CCDC77: variants seen among roughly 807,000 people sequenced by gnomAD.
The protein encoded by CCDC77 is coiled-coil domain containing 77.
Under a neutral mutation model 66.8 loss-of-function variants are expected in CCDC77, and 56 were observed. The ratio of observed to expected loss-of-function variants is 0.84; its 90% confidence interval spans 0.68 to 1.05. The LOEUF (loss-of-function observed/expected upper bound fraction) is 1.05. Among genes scored for constraint, CCDC77 ranks in the 50% least tolerant of loss-of-function variants. The pLI is 0.00. For synonymous variants in CCDC77, 196 were observed against 195.2 expected (o/e 1.00, Z -0.03); for missense variants, 570 against 576.8 (o/e 0.99, Z 0.12).
intron 10 of CCDC77, among the ~76,000 whole-genome samples, chr12:440,250 A>C (rs1228490906): frequency 6.6e-6 from 1 of 152,242 alleles, no homozygotes; most frequent in Non-Finnish European, 1.5e-5. Context: ...ACTGCTCAAT[A>C]GGGCATGTAT....
chr12:442,493 C>T lies in CCDC77; in HGVS notation c.*573C>T, dbSNP rs540652376. The T allele has an allele frequency of 1.3e-5, 2 of 152,318 alleles. No homozygotes were observed. The highest frequency in any genetic ancestry group is 3.9e-4 in the East Asian group (2 of 5,182). 9.4% of individuals were successfully genotyped at this position (152,318 alleles called of 1,614,324 possible). On this transcript the variant is annotated 3_prime_UTR_variant, in exon 13 of 13. Transcript: ENST00000239830. ...CTAGAGACTCAAACGAAATGTCCAT[C>T]TGGAAAGATTCGGGAGACACTTTGC...
intron 9 of CCDC77, among the ~76,000 whole-genome samples, chr12:436,272 C>T (rs776470236): frequency 3.3e-5 from 5 of 151,844 alleles, no homozygotes; most frequent in Non-Finnish European, 5.9e-5. Context: ...CGCCCACCAC[C>T]ACGCCCGGCT....
chr12:438,347 C>G lies in CCDC77; in HGVS notation c.834C>G (p.Thr278=). 6.2e-7 allele frequency: 1 copy of G among 1,613,120 alleles called. No individual in the cohort carries two copies. The highest frequency in any genetic ancestry group is 2.2e-5 in the East Asian group (1 of 44,858). ...IKELTKNLHH[T]QELLYESTKD... ...CTTTCTTTCCTAGTCTTCACCACACCCAAGAACTGCTCTATGAGAGCACCA... is the reference window on the plus strand; with the variant it reads ...CTTTCTTTCCTAGTCTTCACCACACGCAAGAACTGCTCTATGAGAGCACCA... Residue 278 remains threonine (T), a synonymous_variant, in exon 10 of 13, where the codon ACC becomes ACG. Coordinates refer to ENST00000239830, the MANE Select transcript of CCDC77 (RefSeq NM_032358.4).
intron 5 of CCDC77, among the ~76,000 whole-genome samples, chr12:424,604 C>T (rs1425516170): frequency 6.6e-6 from 1 of 152,108 alleles, no homozygotes; most frequent in Non-Finnish European, 1.5e-5. Context: ...GCTAGGATTA[C>T]AGGAATGAAC....
chr12:409,459 G>A (rs761371661), intron 3 of CCDC77, 38 bp downstream of exon 3: 10 of 1,577,790 alleles, frequency 6.3e-6, no homozygotes, highest in Admixed American at 5.0e-5. Flanking sequence ...TTAAGAAATC[G>A]AGACTTGTAT....
chr12:400,669 A>G (rs1944883375), upstream of CCDC77, among the ~76,000 whole-genome samples: 1 of 152,228 alleles, frequency 6.6e-6, no homozygotes, highest in Non-Finnish European at 1.5e-5. Context: ...TTGCCATCTT[A>G]TATGGGCATG....
intron 5 of CCDC77, among the ~76,000 whole-genome samples, chr12:423,487 TTG>T (rs1565572237): frequency 3.2e-5 from 1 of 31,624 alleles, no homozygotes; most frequent in Non-Finnish European, 6.4e-5. Flanking sequence ...GTGTTTTTTT[TTG>T]TTTTGTTTTT....
intron 6 of CCDC77, 135 bp downstream of exon 6, chr12:429,000 G>GTTTT (rs1945591247): frequency 1.8e-6 from 1 of 551,116 alleles, no homozygotes; most frequent in Admixed American, 3.0e-5. Flanking sequence ...GTTTGCCTGA[G>GTTTT]TTTTTAAAGC....
intron 3 of CCDC77, 150 bp downstream of exon 3, chr12:409,571 C>A: frequency 1.4e-6 from 1 of 693,030 alleles, no homozygotes; most frequent in Non-Finnish European, 2.5e-6. Flanking sequence ...GGATGGGGTG[C>A]AGTGGTGCAA....
intron 5 of CCDC77, among the ~76,000 whole-genome samples, chr12:423,922 T>C (rs1337116468): frequency 6.6e-6 from 1 of 152,164 alleles, no homozygotes; most frequent in Non-Finnish European, 1.5e-5. Context: ...TTTGGAGAAA[T>C]GTCTATTCAA....
intron 1 of CCDC77, among the ~76,000 whole-genome samples, chr12:395,433 G>C (rs376178660): frequency 4.5e-4 from 69 of 152,190 alleles, no homozygotes; most frequent in African/African-American, 1.6e-3. Flanking sequence ...AAAATAAAAG[G>C]ACAAATTGCT....
At chr12:410,553 T>C (rs1212100334) in intron 3 of CCDC77, among the ~76,000 whole-genome samples, 1 of 146,170 alleles carries the variant, frequency 6.8e-6, no homozygotes, top group African/African-American at 2.5e-5. Flanking sequence ...CAGGCTAATT[T>C]TTGTATTTTT....
rs867440506 is a variant in CCDC77, at chr12:441,797, C to G, written c.1344C>G (p.Asn448Lys). Residue 448 changes from asparagine (N) to lysine (K), a missense_variant, in exon 13 of 13, where the codon AAC (asparagine) becomes AAG (lysine). Asn to Lys is a moderately conservative substitution (Grantham distance 94, BLOSUM62 0). Coordinates refer to ENST00000239830, the MANE Select transcript of CCDC77 (RefSeq NM_032358.4). ...LYKATVNARA[N>K]QDLALLCEVR... ...AGGCAACAGTTAATGCCCGGGCAAA[C>G]CAGGATCTTGCCCTTCTGTGTGAGG... is the stretch of plus-strand genomic sequence containing the variant. 2 of 1,610,436 alleles carry G rather than the reference C, an allele frequency of 1.2e-6. No individual in the cohort carries two copies. The highest frequency in any genetic ancestry group is 2.7e-5 in the African/African-American group (2 of 73,824).
intron 9 of CCDC77, among the ~76,000 whole-genome samples, chr12:435,974 A>G (rs1478911104): frequency 6.6e-6 from 1 of 152,084 alleles, no homozygotes; most frequent in Non-Finnish European, 1.5e-5. Flanking sequence ...TCCTGGTTTC[A>G]AGCAATCCTC....
At chr12:420,934 TA>T (rs1422611558) in intron 5 of CCDC77, among the ~76,000 whole-genome samples, 9 of 3,410 alleles carry the variant, frequency 2.6e-3, no homozygotes, top group Non-Finnish European at 3.4e-3. Context: ...AGTGAGAGGG[TA>T]AAACACACAT....
At chr12:423,280 T>G (rs1018782399) in intron 5 of CCDC77, among the ~76,000 whole-genome samples, 29 of 138,824 alleles carry the variant, frequency 2.1e-4, no homozygotes, top group Non-Finnish European at 3.5e-4. Context: ...TGTGCTGCCA[T>G]GCCCAGCTAA....
intron 4 of CCDC77, among the ~76,000 whole-genome samples, chr12:416,377 G>GTGTATATA (rs1170807639): frequency 9.7e-5 from 2 of 20,586 alleles, no homozygotes; most frequent in Admixed American, 8.3e-4. Context: ...GTGTGTGTGT[G>GTGTATATA]TATATATATA....
At chr12:423,770 T>C (rs1261444547) in intron 5 of CCDC77, among the ~76,000 whole-genome samples, 1 of 152,060 alleles carries the variant, frequency 6.6e-6, no homozygotes, top group African/African-American at 2.4e-5. Context: ...GTGTTAGGAT[T>C]ACAGGCGTGA....
At position 441,071 on chromosome 12, in the gene CCDC77, A is replaced by T; in HGVS notation, c.1320+75A>T. The T allele has an allele frequency of 5.4e-6, 8 of 1,489,176 alleles. No individual in the cohort carries two copies. The South Asian group carries it at 9.2e-5, about 17-fold the overall frequency. 92.2% of individuals were successfully genotyped at this position (1,489,176 alleles called of 1,614,324 possible). ...GGGAACATGGTCACGAGGGCCCCTG[A>T]AAAGAAGGATGTGCTGTTTCCCTGC... On this transcript the variant is annotated intron_variant, in intron 12 of 12. Coordinates refer to ENST00000239830, the MANE Select transcript of CCDC77 (RefSeq NM_032358.4).
Sources: allele counts gnomAD v4.1 joint callset (sites outside exome capture counted in the v4.1 genomes callset), GRCh38; gene constraint gnomAD v4.1.1; transcripts MANE v1.5; gene names NCBI Gene and HGNC (gene_info 2026-07-23, HGNC 2026-07-21).